The following OSBPL1A variants were observed in gnomAD, a reference collection of about 807,000 sequenced individuals.
The protein encoded by OSBPL1A is oxysterol binding protein like 1A.
In OSBPL1A, 80 loss-of-function variants were observed where a neutral mutation model predicts 137.1. The ratio of observed to expected loss-of-function variants is 0.58; its 90% CI spans 0.49 to 0.70. The LOEUF (loss-of-function observed/expected upper bound fraction) is 0.70, where lower values mean the gene tolerates loss of function less well. Ranked by LOEUF, OSBPL1A falls within the 30% of genes least tolerant of loss-of-function variation. OSBPL1A has a pLI of 0.00. For missense variants in OSBPL1A, 970 were observed against 1,129.4 expected, an observed-to-expected ratio of 0.86 and a Z score of 2.02; for synonymous variants, 365 against 389.7, an observed-to-expected ratio of 0.94 and a Z score of 0.75.
At chr18:24,345,953 T>A (rs959892153) in intron 4 of OSBPL1A, among the ~76,000 whole-genome samples, 7 of 152,232 alleles carry the variant, frequency 4.6e-5, no homozygotes, top group Admixed American at 4.6e-4. Context: ...TGAATACTTT[T>A]TCCTGAATAA....
intron 17 of OSBPL1A, among the ~76,000 whole-genome samples, chr18:24,217,093 G>C (rs1016008373): frequency 6.6e-6 from 1 of 151,998 alleles, no homozygotes; most frequent in Non-Finnish European, 1.5e-5. Flanking sequence ...GACCCAGAGG[G>C]GCTTACTCTG....
intron 17 of OSBPL1A, among the ~76,000 whole-genome samples, chr18:24,209,656 G>A (rs1210131882): frequency 1.3e-5 from 2 of 152,168 alleles, no homozygotes; most frequent in African/African-American, 4.8e-5. Context: ...GTACAGATAA[G>A]CCAAACTGTG....
At position 24,397,154 on chromosome 18, in the gene OSBPL1A, G is replaced by C. The variant is rs1044794029; in HGVS notation, c.-3+501C>G. ...TTGTTAAAGTCTATTGTGCAGCTGC[G>C]CTCTCATTCAGTTTCAGAATCTCCC... On this transcript the variant is annotated intron_variant, in intron 1 of 27. Coordinates refer to ENST00000319481, the MANE Select transcript of OSBPL1A (RefSeq NM_080597.4). Among the ~76,000 whole-genome samples, 3 of 152,302 alleles carry C rather than the reference G, an allele frequency of 2.0e-5. No homozygotes were observed. The East Asian group carries it at 5.8e-4, about 29-fold the overall frequency.
chr18:24,380,962 A>AAAAAGAAAAG (rs1906541992), intron 1 of OSBPL1A, among the ~76,000 whole-genome samples: 1 of 152,064 alleles, frequency 6.6e-6, no homozygotes, highest in African/African-American at 2.4e-5. Context: ...CAAAAAAAAA[A>AAAAAGAAAAG]AAAAAAGAAA....
intron 17 of OSBPL1A, among the ~76,000 whole-genome samples, chr18:24,219,637 A>G (rs564672758): frequency 6.6e-6 from 1 of 152,244 alleles, no homozygotes; most frequent in African/African-American, 2.4e-5. Context: ...AGTCTGGTGA[A>G]AGTATGTCTC....
chr18:24,260,030 C>A (rs2089404095), intron 15 of OSBPL1A, among the ~76,000 whole-genome samples: 1 of 151,984 alleles, frequency 6.6e-6, no homozygotes, highest in African/African-American at 2.4e-5. Context: ...GGGCAAAGGA[C>A]TCAGACATTT....
At position 24,260,147 on chromosome 18, in the gene OSBPL1A, T is replaced by A. The variant is rs73392235; in HGVS notation, c.1281+20695A>T. Among the ~76,000 whole-genome samples, 1,469 of 152,070 alleles carry A rather than the reference T, an allele frequency of 9.7e-3. 29 individuals are homozygous for A. The highest frequency in any genetic ancestry group is 0.032 in the African/African-American group (1,341 of 41,482). Reference sequence around the variant, plus strand: ...TTCACACCTACTAGAATGGCTATAATTTTTTTTAAAAAAAAGAAAATAAGT... The same window carrying A: ...TTCACACCTACTAGAATGGCTATAAATTTTTTTAAAAAAAAGAAAATAAGT... On this transcript the variant is annotated intron_variant, in intron 15 of 27. Transcript: ENST00000319481.
Position 24,352,239 on chromosome 18 carries a change from C to T in OSBPL1A, c.283-10581G>A, listed in dbSNP as rs554526644. ...ATCGCTTGAGCCCGGGAGATTGAGG[C>T]TCCAGGGAACAGTGATTGTGCCACC... is the stretch of plus-strand genomic sequence containing the variant. On this transcript the variant is annotated intron_variant, in intron 4 of 27. Transcript: ENST00000319481. Among the ~76,000 whole-genome samples, 6 of 152,164 alleles carry T rather than the reference C, an allele frequency of 3.9e-5. No homozygotes were observed. In the East Asian group the frequency reaches 7.7e-4, roughly 20 times the overall value.
At chr18:24,182,386 A>T (rs1174690860) in intron 18 of OSBPL1A, among the ~76,000 whole-genome samples, 1 of 152,214 alleles carries the variant, frequency 6.6e-6, no homozygotes, top group Non-Finnish European at 1.5e-5. Flanking sequence ...ATATTCTGAC[A>T]ATCTTCCCAA....
At chr18:24,195,872 T>C (rs1385261134) in intron 18 of OSBPL1A, 1 of 443,012 alleles carries the variant, frequency 2.3e-6, no homozygotes, top group East Asian at 4.7e-5. Context: ...AAATGTGCTG[T>C]GTCAACAGAA....
intron 5 of OSBPL1A, among the ~76,000 whole-genome samples, chr18:24,339,026 T>C (rs1568037942): frequency 6.6e-6 from 1 of 151,932 alleles, no homozygotes. Flanking sequence ...CAGGCTAGAG[T>C]GCAGTGGTGC....
intron 15 of OSBPL1A, among the ~76,000 whole-genome samples, chr18:24,246,710 G>A (rs1367122299): frequency 2.0e-5 from 3 of 149,154 alleles, no homozygotes; most frequent in African/African-American, 5.0e-5. Context: ...AGAATCACTT[G>A]AACCCGGGAG....
intron 7 of OSBPL1A, among the ~76,000 whole-genome samples, chr18:24,329,975 T>G (rs2091046925): frequency 6.6e-6 from 1 of 152,198 alleles, no homozygotes; most frequent in Non-Finnish European, 1.5e-5. Context: ...AAAACTATTT[T>G]CCTCAAAGCT....
chr18:24,172,227 C>T, intron 22 of OSBPL1A, 149 bp downstream of exon 22: 1 of 603,826 alleles, frequency 1.7e-6, no homozygotes, highest in Non-Finnish European at 2.9e-6. Flanking sequence ...GCGTGAGCCA[C>T]CGCGCCCAGA....
rs1907482057 is a variant in OSBPL1A, at chr18:24,393,140, CAG to C, written c.-3+4513_-3+4514del. 3.3e-5 allele frequency among the ~76,000 whole-genome samples: 5 copies of C among 152,304 alleles called. No individual in the cohort carries two copies. The South Asian group carries it at 6.2e-4, about 19-fold the overall frequency. Reference sequence around the variant, plus strand: ...CTAACTATGATTAGTTGCTAGCAATCAGTAATTTCTCTGATGCAATCATATAC... The same window carrying C: ...CTAACTATGATTAGTTGCTAGCAATCTAATTTCTCTGATGCAATCATATAC... On this transcript the variant is annotated intron_variant, in intron 1 of 27. Coordinates refer to ENST00000319481, the MANE Select transcript of OSBPL1A (RefSeq NM_080597.4).
intron 1 of OSBPL1A, among the ~76,000 whole-genome samples, chr18:24,382,454 G>A (rs1032787478): frequency 1.3e-5 from 2 of 150,710 alleles, no homozygotes; most frequent in Non-Finnish European, 2.9e-5. Flanking sequence ...GTGTGAGCCT[G>A]TAGTCCCAGC....
chr18:24,182,207 A>G (rs2086624919), intron 18 of OSBPL1A, among the ~76,000 whole-genome samples: 1 of 152,210 alleles, frequency 6.6e-6, no homozygotes, highest in South Asian at 2.1e-4. Context: ...TCTGTCTGCC[A>G]GAATGCCTCC....
At chr18:24,372,273 G>A (rs1434209680) in intron 2 of OSBPL1A, among the ~76,000 whole-genome samples, 6 of 134,216 alleles carry the variant, frequency 4.5e-5, no homozygotes, top group African/African-American at 1.3e-4. Context: ...AGACGCTGTC[G>A]CAAAAAAAAA....
At chr18:24,266,079 G>A (rs868835943) in intron 15 of OSBPL1A, among the ~76,000 whole-genome samples, 2 of 152,182 alleles carry the variant, frequency 1.3e-5, no homozygotes, top group South Asian at 2.1e-4. Flanking sequence ...CTGCGTTAAC[G>A]ACTCCGTGTT....
Sources: allele counts gnomAD v4.1 joint callset (sites outside exome capture counted in the v4.1 genomes callset), GRCh38; gene constraint gnomAD v4.1.1; transcripts MANE v1.5; gene names NCBI Gene and HGNC (gene_info 2026-07-23, HGNC 2026-07-21).